The following RNF32 variants were observed in gnomAD, a reference collection of about 807,000 sequenced individuals.
RNF32 encodes ring finger protein 32.
RNF32 carries 36 observed loss-of-function variants against 41.0 expected under a neutral mutation model. The observed-to-expected ratio is 0.88, with a 90% CI of 0.67 to 1.16. The LOEUF (loss-of-function observed/expected upper bound fraction) is 1.16. RNF32 is among the 50% of genes most tolerant of loss of function. The probability of loss-of-function intolerance (pLI) is 0.00; values close to 1 mark genes in which losing one functional copy is unlikely to be tolerated. For missense variants in RNF32, 413 were observed against 436.7 expected (o/e 0.95, Z 0.48); for synonymous variants, 154 against 160.9 (o/e 0.96, Z 0.32).
intron 4 of RNF32, among the ~76,000 whole-genome samples, chr7:156,656,775 GCTCAGT>G (rs1585043081): frequency 1.3e-5 from 2 of 152,220 alleles, no homozygotes; most frequent in African/African-American, 2.4e-5. Flanking sequence ...CCACCGCTTT[GCTCAGT>G]CTCACAAGTT....
intron 3 of RNF32, chr7:156,646,589 T>C: frequency 9.8e-7 from 1 of 1,016,480 alleles, no homozygotes; most frequent in Non-Finnish European, 1.3e-6. Context: ...ATGACACAAT[T>C]CAACCCAGTA....
At chr7:156,645,942 A>G (rs555510679) in intron 3 of RNF32, among the ~76,000 whole-genome samples, 5 of 152,298 alleles carry the variant, frequency 3.3e-5, no homozygotes, top group African/African-American at 1.2e-4. Flanking sequence ...TCATATTTTC[A>G]TGTGACAATA....
intron 7 of RNF32, among the ~76,000 whole-genome samples, chr7:156,673,337 T>C (rs1485154290): frequency 6.6e-6 from 1 of 152,222 alleles, no homozygotes; most frequent in South Asian, 2.1e-4. Context: ...GAGGTAACTG[T>C]GTATATTTCC....
chr7:156,644,590 T>C lies in RNF32; in HGVS notation c.107T>C (p.Val36Ala), dbSNP rs757052437. Residue 36 changes from valine to alanine, a missense_variant, in exon 3 of 9, where the codon GTT becomes GCT. Transcript: ENST00000317955. ...LHDLQLRNLSVADHSKTQVQK... is the reference protein window; with the variant it reads ...LHDLQLRNLSAADHSKTQVQK... ...GATCTTCAACTTCGAAATCTTTCAG[T>C]TGCAGATCATTCTAAGACACAAGTA... 10 of 1,613,326 alleles carry C rather than the reference T, an allele frequency of 6.2e-6. No homozygotes were observed. Among genetic ancestry groups the C allele is most frequent in the Non-Finnish European group, 8.5e-6 (10 of 1,179,510 alleles).
At chr7:156,640,214 C>T, upstream of RNF32, 1 of 452,738 alleles carries the variant, frequency 2.2e-6, no homozygotes, top group South Asian at 1.6e-5. Context: ...GCGGGGGGAT[C>T]GGGGGATCCC....
chr7:156,648,654 T>C (rs897392117), intron 3 of RNF32, among the ~76,000 whole-genome samples: 1 of 152,250 alleles, frequency 6.6e-6, no homozygotes, highest in African/African-American at 2.4e-5. Context: ...TTGAACCATA[T>C]GCTCTTTACT....
chr7:156,676,016 G>A (rs1803905809), intron 8 of RNF32, among the ~76,000 whole-genome samples, 153 bp downstream of exon 8: 1 of 151,864 alleles, frequency 6.6e-6, no homozygotes, highest in Non-Finnish European at 1.5e-5. Context: ...GGGGTGGCAT[G>A]TCGGGGGAGG....
intron 7 of RNF32, chr7:156,658,865 A>G: frequency 6.5e-7 from 1 of 1,541,902 alleles, no homozygotes; most frequent in South Asian, 1.2e-5. Flanking sequence ...CTCTTCAGAC[A>G]CAAGACTGGA....
intron 7 of RNF32, 39 bp downstream of exon 7, chr7:156,658,609 G>A (rs551287659): frequency 2.5e-5 from 34 of 1,349,700 alleles, no homozygotes; most frequent in South Asian, 1.4e-4. Flanking sequence ...TATGGTCTCC[G>A]TGCGGGTGGT....
intron 3 of RNF32, among the ~76,000 whole-genome samples, chr7:156,651,667 A>G (rs1274505174): frequency 6.6e-6 from 1 of 152,168 alleles, no homozygotes. Flanking sequence ...CTCTGTTACA[A>G]TTCCGTGACT....
chr7:156,676,915 A>G lies in RNF32; in HGVS notation c.*260A>G. ...AATAGCAAAAAATGAGAGCTTGCTT[A>G]CTTCTAAAAATTGAGGTTAAGATAT... On this transcript the variant is annotated 3_prime_UTR_variant, in exon 9 of 9. Coordinates refer to ENST00000317955, the MANE Select transcript of RNF32 (RefSeq NM_030936.4). The G allele has an allele frequency of 2.3e-6, 1 of 427,812 alleles. No homozygotes were observed. Among genetic ancestry groups the G allele is most frequent in the East Asian group, 4.3e-5 (1 of 23,122 alleles). The allele number at this position is 427,812 out of a possible 1,614,324, so 26.5% of individuals were successfully genotyped here.
intron 3 of RNF32, among the ~76,000 whole-genome samples, chr7:156,653,630 T>C (rs968884095): frequency 1.3e-5 from 2 of 152,188 alleles, no homozygotes; most frequent in African/African-American, 4.8e-5. Flanking sequence ...GACCCGTCTT[T>C]GGGGTGCGGG....
Position 156,676,521 on chromosome 7 carries a change from C to G in RNF32, c.955C>G (p.Leu319Val). 6.2e-7 allele frequency: 1 copy of G among 1,614,064 alleles called. No homozygotes were observed. The highest frequency in any genetic ancestry group is 8.5e-7 in the Non-Finnish European group (1 of 1,179,944). The stretch of plus-strand genomic sequence containing the variant: ...AGGCAGGCGTTCCAGAGAGATGGCC[C>G]TCCTGTCCTGCTCACATGTGTTCCA... ...GAGRRSREMA[L>V]LSCSHVFHHA... The change falls in exon 9 of 9, where the codon CTC becomes GTC. Residue 319 changes from leucine (L) to valine (V), a missense_variant. Coordinates refer to ENST00000317955, the MANE Select transcript of RNF32 (RefSeq NM_030936.4).
chr7:156,668,985 A>G (rs1046354348), intron 7 of RNF32: 1 of 152,246 alleles, frequency 6.6e-6, no homozygotes, highest in Non-Finnish European at 1.5e-5. Flanking sequence ...CTCTTAAGGA[A>G]GAAAAAAGTA....
chr7:156,644,776 TC>T lies in RNF32; in HGVS notation c.274+20del, dbSNP rs772836132. Reference sequence around the variant, plus strand: ...ACTTTGGGTAAGCTGACGTAGTCATTCATCTTTTGGCTTATTAGGGCTAAAA... The same window carrying T: ...ACTTTGGGTAAGCTGACGTAGTCATTATCTTTTGGCTTATTAGGGCTAAAA... On this transcript the variant is annotated intron_variant, in intron 3 of 8. Transcript: ENST00000317955. The T allele has an allele frequency of 6.3e-7, 1 of 1,589,662 alleles. No homozygotes were observed. The highest frequency in any genetic ancestry group is 8.5e-7 in the Non-Finnish European group (1 of 1,174,820).
chr7:156,660,537 CAG>C (rs1297309773), intron 7 of RNF32, among the ~76,000 whole-genome samples: 1 of 152,074 alleles, frequency 6.6e-6, no homozygotes, highest in African/African-American at 2.4e-5. Context: ...TATTTAGAGA[CAG>C]GGTTTCGTTA....
At chr7:156,654,520 T>C in intron 3 of RNF32, 56 bp from the exon 4 acceptor site, 1 of 1,506,680 alleles carries the variant, frequency 6.6e-7, no homozygotes. Context: ...AAGTTATAGG[T>C]GGGTGCCATA....
At chr7:156,676,088 C>G (rs1166110376) in intron 8 of RNF32, among the ~76,000 whole-genome samples, 1 of 151,812 alleles carries the variant, frequency 6.6e-6, no homozygotes, top group East Asian at 1.9e-4. Flanking sequence ...GCCCTAGCTG[C>G]CCCTGCACCT....
intron 4 of RNF32, among the ~76,000 whole-genome samples, chr7:156,655,556 G>A (rs1398901830): frequency 6.6e-6 from 1 of 152,166 alleles, no homozygotes; most frequent in South Asian, 2.1e-4. Flanking sequence ...TAGGAACCCA[G>A]GCTTATTACA....
Sources: gnomAD v4.1 joint callset for allele counts (sites outside exome capture counted in the v4.1 genomes callset) on GRCh38, gnomAD v4.1.1 for gene constraint, MANE v1.5 for transcripts, NCBI Gene and HGNC (gene_info 2026-07-23, HGNC 2026-07-21) for gene names.